The following ERCC6 variants were observed in gnomAD, a reference collection of about 807,000 sequenced individuals.
The protein encoded by ERCC6 is ERCC excision repair 6, chromatin remodeling factor, also known as DNA excision repair protein ERCC-6.
In ERCC6, 116 loss-of-function variants were observed where a neutral mutation model predicts 158.7. That is an observed-to-expected ratio of 0.73 (90% CI 0.63 to 0.85). ERCC6 has a LOEUF of 0.85. Ranked by LOEUF, ERCC6 falls within the 40% of genes least tolerant of loss-of-function variation. The pLI is 0.00. For synonymous variants in ERCC6, 678 were observed against 659.3 expected (o/e 1.03, Z -0.43); for missense variants, 1,698 against 1,799.4 (o/e 0.94, Z 1.02).
Position 49,470,172 on chromosome 10 carries a change from A to G in ERCC6, c.3778+10T>C. 1.2e-6 allele frequency: 2 copies of G among 1,613,576 alleles called. No homozygotes were observed. Among genetic ancestry groups the G allele is most frequent in the South Asian group, 1.1e-5 (1 of 91,058 alleles). On this transcript the variant is annotated intron_variant, in intron 18 of 20. Transcript: ENST00000355832. ...TAGCATCCCTGTGGCAAACGTATCA[A>G]ATGGATTACCTGATTTTTTGAAAAG...
At chr10:49,493,072 G>C in intron 8 of ERCC6, 45 bp downstream of exon 8, 1 of 1,601,186 alleles carries the variant, frequency 6.2e-7, no homozygotes, top group Non-Finnish European at 8.6e-7. Flanking sequence ...ATGTAAAATG[G>C]AGGGCATTAA....
chr10:49,450,218 C>T (rs966629383), downstream of ERCC6, among the ~76,000 whole-genome samples: 2 of 152,310 alleles, frequency 1.3e-5, no homozygotes, highest in East Asian at 1.9e-4. Flanking sequence ...TTCTTTTGCA[C>T]GTGACTATCC....
the ERCC6 span, among the ~76,000 whole-genome samples, chr10:49,445,038 CAAA>C: frequency 1.3e-5 from 2 of 151,974 alleles, no homozygotes; most frequent in African/African-American, 2.4e-5. Context: ...AAAACAACAA[CAAA>C]AAAACACTAA....
rs377449778 is a variant in ERCC6, at chr10:49,508,420, C to T, written c.1398-2408G>A. Among the ~76,000 whole-genome samples the T allele has an allele frequency of 5.3e-5, 8 of 152,224 alleles. No individual in the cohort carries two copies. In the East Asian group the frequency reaches 7.7e-4, roughly 15 times the overall value. On this transcript the variant is annotated intron_variant, in intron 5 of 20. Transcript: ENST00000355832. Reference sequence around the variant, plus strand: ...CCTCCTCCCTCCCTCCTAAAATATACAGGCATCTTGTCGCCACAGAACTCA... The same window carrying T: ...CCTCCTCCCTCCCTCCTAAAATATATAGGCATCTTGTCGCCACAGAACTCA...
chr10:49,522,360 A>G (rs1426391910), intron 5 of ERCC6, among the ~76,000 whole-genome samples: 1 of 152,182 alleles, frequency 6.6e-6, no homozygotes, highest in African/African-American at 2.4e-5. Context: ...TGTAATAACA[A>G]ATATTTCAAT....
rs963168603 is a variant in ERCC6 at position 49,493,127 on chromosome 10, G to C, written c.1811C>G (p.Thr604Ser). The C allele has an allele frequency of 2.5e-6, 4 of 1,614,074 alleles. No individual in the cohort carries two copies. The highest frequency in any genetic ancestry group is 3.4e-6 in the Non-Finnish European group (4 of 1,179,988). The change falls in exon 8 of 21, where the codon ACC (threonine) becomes AGC (serine). Residue 604 changes from threonine (T) to serine (S), a missense_variant. Transcript: ENST00000355832. ...GAAATATTGTGTTACCTTTTTGTGG[G>C]TATAGGAACCGGTTTCATGTAGAAT... ...VAILHETGSYTHKKEKLIRDV... is the reference protein window; with the variant it reads ...VAILHETGSYSHKKEKLIRDV...
At chr10:49,504,619 T>C (rs1375585775) in intron 6 of ERCC6, 1 of 152,190 alleles carries the variant, frequency 6.6e-6, no homozygotes, top group Non-Finnish European at 1.5e-5. Context: ...TGATGGTATT[T>C]GGCTTGTTTC....
At chr10:49,510,494 C>T (rs1414135047) in intron 5 of ERCC6, among the ~76,000 whole-genome samples, 1 of 152,136 alleles carries the variant, frequency 6.6e-6, no homozygotes, top group African/African-American at 2.4e-5. Flanking sequence ...CCATGACCAG[C>T]CAGACTTAGG....
the ERCC6 span, among the ~76,000 whole-genome samples, chr10:49,445,727 A>T: frequency 1.8e-4 from 28 of 152,332 alleles, no homozygotes; most frequent in African/African-American, 6.5e-4. Flanking sequence ...GTCAAGTGCC[A>T]GGGGCTACAA....
rs771604820 is a variant in ERCC6, at chr10:49,470,507, T to C, written c.3453A>G (p.Leu1151=). The change falls in exon 18 of 21, where the codon TTA becomes TTG. Residue 1151 remains leucine (L), a synonymous_variant. Coordinates refer to ENST00000355832, the MANE Select transcript of ERCC6 (RefSeq NM_000124.4). ...PSGDESIDEK[L]GLSYKRERPS... ...GTCTTTCTCTTTTGTAAGAAAGACCTAACTTTTCATCAATGCTTTCATCAC... is the reference window on the plus strand; with the variant it reads ...GTCTTTCTCTTTTGTAAGAAAGACCCAACTTTTCATCAATGCTTTCATCAC... 4 of 1,614,222 alleles carry C rather than the reference T, an allele frequency of 2.5e-6. No individual in the cohort carries two copies. The highest frequency in any genetic ancestry group is 3.4e-6 in the Non-Finnish European group (4 of 1,180,024).
rs1344294632 is a variant in ERCC6, at chr10:49,478,472, T to C, written c.2170-2A>G. Reference sequence around the variant, plus strand: ...TGCACACTTGTAAGCAGTTTTGACCTTTAATAAGAGCAGAGAAGGGAACAT... The same window carrying C: ...TGCACACTTGTAAGCAGTTTTGACCCTTAATAAGAGCAGAGAAGGGAACAT... On this transcript the variant is annotated splice_acceptor_variant, in intron 10 of 20. Transcript: ENST00000355832. LOFTEE classifies it high-confidence loss of function. The C allele has an allele frequency of 1.3e-6, 2 of 1,571,278 alleles. No individual in the cohort carries two copies. Among genetic ancestry groups the C allele is most frequent in the Non-Finnish European group, 1.8e-6 (2 of 1,141,922 alleles).
intron 7 of ERCC6, 74 bp downstream of exon 7, chr10:49,500,464 C>T: frequency 1.3e-6 from 2 of 1,489,406 alleles, no homozygotes; most frequent in African/African-American, 1.4e-5. Context: ...TCACAAGACC[C>T]TCCTCCACAG....
Position 49,455,656 on chromosome 10 carries a change from C to T in ERCC6, c.*3159G>A, listed in dbSNP as rs375610479. ...ATTTGTTGATCATTGGAATAACTGC[C>T]TTTTTGTTTTTGTTTAGGGGAGCAA... On this transcript the variant is annotated 3_prime_UTR_variant, in exon 21 of 21. Transcript: ENST00000355832. 5 of 152,194 alleles carry T rather than the reference C, an allele frequency of 3.3e-5. No individual in the cohort carries two copies. The highest frequency in any genetic ancestry group is 1.2e-4 in the African/African-American group (5 of 41,464). The allele number at this position is 152,194 out of a possible 1,614,324, so 9.4% of individuals were successfully genotyped here. A position where few individuals can be genotyped will look rare whatever the true frequency, so the allele number is the denominator to read the frequency against.
chr10:49,478,205 C>A, intron 11 of ERCC6, 149 bp downstream of exon 11: 1 of 761,040 alleles, frequency 1.3e-6, no homozygotes, highest in Non-Finnish European at 2.4e-6. Context: ...GAAGAATCCA[C>A]TGAGGGCAGA....
At chr10:49,523,821 A>G (rs769713609) in intron 5 of ERCC6, among the ~76,000 whole-genome samples, 2 of 152,002 alleles carry the variant, frequency 1.3e-5, no homozygotes, top group African/African-American at 2.4e-5. Context: ...AAATCCAACT[A>G]AAGACCTAGA....
At chr10:49,506,285 T>C (rs954535992) in intron 5 of ERCC6, 6 of 463,752 alleles carry the variant, frequency 1.3e-5, no homozygotes, top group Non-Finnish European at 1.9e-5. Context: ...GCTCCTCTTC[T>C]GGCATACCCT....
chr10:49,530,045 A>C (rs1314289057), intron 3 of ERCC6, among the ~76,000 whole-genome samples: 1 of 152,060 alleles, frequency 6.6e-6, no homozygotes, highest in Non-Finnish European at 1.5e-5. Flanking sequence ...AAGGTGTGTG[A>C]GGGTCAATGG....
intron 6 of ERCC6, chr10:49,504,412 C>T (rs1036060817): frequency 2.0e-5 from 3 of 152,070 alleles, no homozygotes; most frequent in South Asian, 2.1e-4. Context: ...ATCCTAAATA[C>T]TTTTAGTAAG....
chr10:49,489,252 C>T (rs1851131369), intron 8 of ERCC6, among the ~76,000 whole-genome samples: 1 of 152,154 alleles, frequency 6.6e-6, no homozygotes, highest in South Asian at 2.1e-4. Context: ...TCAGCAATGC[C>T]TCATTCAGCA....
Sources: gnomAD v4.1 joint callset for allele counts (sites outside exome capture counted in the v4.1 genomes callset) on GRCh38, gnomAD v4.1.1 for gene constraint, MANE v1.5 for transcripts, NCBI Gene and HGNC (gene_info 2026-07-23, HGNC 2026-07-21) for gene names.